Variants in NTRK2 observed in about 807,000 individuals in gnomAD.
NTRK2 encodes the protein neurotrophic receptor tyrosine kinase 2.
In NTRK2, 13 loss-of-function variants were observed where a neutral mutation model predicts 94.5. That is an observed-to-expected ratio of 0.14 (90% CI 0.09 to 0.22). The LOEUF (loss-of-function observed/expected upper bound fraction) is 0.22, where lower values mean the gene tolerates loss of function less well. Ranked by LOEUF, NTRK2 falls within the 10% of genes least tolerant of loss-of-function variation. The pLI, the probability that NTRK2 is intolerant of heterozygous loss-of-function variation, is 1.00. For synonymous variants in NTRK2, 372 were observed against 407.4 expected (o/e 0.91, Z 1.05); for missense variants, 639 against 1,071.2 (o/e 0.60, Z 5.63).
intron 12 of NTRK2, among the ~76,000 whole-genome samples, chr9:84,799,942 T>C (rs1245121845): frequency 6.6e-6 from 1 of 152,226 alleles, no homozygotes; most frequent in Non-Finnish European, 1.5e-5. Flanking sequence ...TATAATTATA[T>C]AGTAAAACAT....
intron 17 of NTRK2, among the ~76,000 whole-genome samples, chr9:85,018,729 CA>C (rs1832510855): frequency 6.6e-6 from 1 of 152,198 alleles, no homozygotes; most frequent in African/African-American, 2.4e-5. Context: ...ACACTGATTG[CA>C]GTTTGAGTAT....
chr9:84,797,617 A>T (rs2069562753), intron 12 of NTRK2, among the ~76,000 whole-genome samples: 1 of 81,124 alleles, frequency 1.2e-5, no homozygotes, highest in Non-Finnish European at 2.2e-5. Flanking sequence ...TATAATATAT[A>T]TACTATATAT....
chr9:84,845,617 T>A (rs1268314714), intron 12 of NTRK2, among the ~76,000 whole-genome samples: 1 of 152,156 alleles, frequency 6.6e-6, no homozygotes, highest in Non-Finnish European at 1.5e-5. Context: ...TGTCTTTTGC[T>A]GCAACTTGGA....
chr9:85,009,763 AAGAACCATAATGATGCCAGGTTGGCATTT>A (rs1260251415), intron 17 of NTRK2, among the ~76,000 whole-genome samples: 1 of 152,186 alleles, frequency 6.6e-6, no homozygotes. Flanking sequence ...GATAGCAGAA[AAGAACCATAATGATGCCAGGTTGGCATTT>A]AGAACCATAA....
At chr9:84,799,563 T>A (rs2070127673) in intron 12 of NTRK2, among the ~76,000 whole-genome samples, 1 of 149,762 alleles carries the variant, frequency 6.7e-6, no homozygotes, top group Admixed American at 6.8e-5. Flanking sequence ...TAGGAACTAT[T>A]GTAGCTATAC....
intron 17 of NTRK2, among the ~76,000 whole-genome samples, chr9:85,013,930 G>A (rs1213467279): frequency 6.6e-6 from 1 of 152,170 alleles, no homozygotes; most frequent in Non-Finnish European, 1.5e-5. Context: ...TGCTAGGTGA[G>A]TTTAGAAGGT....
chr9:84,916,679 G>C (rs1336160193), intron 14 of NTRK2, among the ~76,000 whole-genome samples: 1 of 152,080 alleles, frequency 6.6e-6, no homozygotes, highest in Non-Finnish European at 1.5e-5. Flanking sequence ...TCAGGGTCTG[G>C]GTGCAGCTGA....
chr9:85,021,428 T>C lies in NTRK2; in HGVS notation c.2508T>C (p.Ile836=), dbSNP rs1832771681. ...LAKASPVYLD[I]LG is the part of the protein sequence containing the mutation. ...AGGCATCTCCGGTCTACCTGGACAT[T>C]CTAGGCTAGGGCCCTTTTCCCCAGA... The change falls in exon 19 of 19, where the codon ATT becomes ATC. Residue 836 remains isoleucine (I), a synonymous_variant. Coordinates refer to ENST00000277120, the MANE Select transcript of NTRK2 (RefSeq NM_006180.6). 6.2e-7 allele frequency: 1 copy of C among 1,614,006 alleles called. No individual in the cohort carries two copies. The highest frequency in any genetic ancestry group is 2.2e-5 in the East Asian group (1 of 44,882).
At chr9:84,710,445 T>C (rs578047282) in intron 5 of NTRK2, among the ~76,000 whole-genome samples, 192 bp from the exon 6 acceptor site, 48 of 152,330 alleles carry the variant, frequency 3.2e-4, no homozygotes, top group South Asian at 3.1e-3. Flanking sequence ...TCCAGTGCTG[T>C]CTGCATATAG....
chr9:84,794,976 A>G (rs1373352870), intron 12 of NTRK2, among the ~76,000 whole-genome samples: 3 of 152,160 alleles, frequency 2.0e-5, no homozygotes, highest in Non-Finnish European at 4.4e-5. Context: ...GGGACTTGGA[A>G]ACATCTACTG....
At chr9:84,828,517 C>A (rs2073328205) in intron 12 of NTRK2, among the ~76,000 whole-genome samples, 1 of 152,170 alleles carries the variant, frequency 6.6e-6, no homozygotes, top group South Asian at 2.1e-4. Context: ...TTCTCTCCCC[C>A]TACCCCCAGA....
At chr9:84,802,683 C>T (rs2070640800) in intron 12 of NTRK2, among the ~76,000 whole-genome samples, 1 of 152,192 alleles carries the variant, frequency 6.6e-6, no homozygotes, top group Non-Finnish European at 1.5e-5. Flanking sequence ...GGCTGTGACC[C>T]TGGGATTGGC....
At position 84,907,696 on chromosome 9, in the gene NTRK2, T is replaced by C. The variant is rs182411258; in HGVS notation, c.1634-26466T>C. Among the ~76,000 whole-genome samples the C allele has an allele frequency of 6.9e-4, 105 of 152,046 alleles. 1 individual carries two copies. The highest frequency in any genetic ancestry group is 3.4e-3 in the Middle Eastern group (1 of 294). ...GAGGCATTACTCTTCTTCTTTTTTT[T>C]TTTTTTTTTGAGTAACACTCTTTGC... is the stretch of plus-strand genomic sequence containing the variant. On this transcript the variant is annotated intron_variant, in intron 14 of 18. Transcript: ENST00000277120.
At chr9:84,919,055 T>C (rs1050387453) in intron 14 of NTRK2, among the ~76,000 whole-genome samples, 1 of 152,166 alleles carries the variant, frequency 6.6e-6, no homozygotes, top group Non-Finnish European at 1.5e-5. Context: ...TACACATACA[T>C]TGAAACTTAC....
intron 14 of NTRK2, chr9:84,876,310 T>C (rs2076064967): frequency 1.9e-6 from 2 of 1,047,798 alleles, no homozygotes; most frequent in Non-Finnish European, 2.3e-6. Context: ...TTACATGAAA[T>C]GTCTGCTTAT....
chr9:85,015,196 TC>T (rs946757430), intron 17 of NTRK2, among the ~76,000 whole-genome samples: 17 of 152,288 alleles, frequency 1.1e-4, no homozygotes, highest in Admixed American at 6.5e-4. Flanking sequence ...AATGAAGTCT[TC>T]CTAGACTTAA....
intron 12 of NTRK2, among the ~76,000 whole-genome samples, chr9:84,841,137 C>T (rs948529603): frequency 3.9e-5 from 6 of 152,152 alleles, no homozygotes; most frequent in Middle Eastern, 3.2e-3. Context: ...ATTTTGAATC[C>T]GTCTCCATGC....
chr9:84,718,731 A>G (rs1221233573), intron 6 of NTRK2, among the ~76,000 whole-genome samples: 1 of 152,158 alleles, frequency 6.6e-6, no homozygotes, highest in Admixed American at 6.5e-5. Context: ...CTGATTTCAA[A>G]TCTTGTTAAG....
intron 2 of NTRK2, among the ~76,000 whole-genome samples, chr9:84,671,570 A>C (rs2058699140): frequency 6.6e-6 from 1 of 152,212 alleles, no homozygotes; most frequent in South Asian, 2.1e-4. Flanking sequence ...CAAAAGAAAA[A>C]AATATGATAG....
Sources: allele counts gnomAD v4.1 joint callset (sites outside exome capture counted in the v4.1 genomes callset), GRCh38; gene constraint gnomAD v4.1.1; transcripts MANE v1.5; gene names NCBI Gene and HGNC (gene_info 2026-07-23, HGNC 2026-07-21).